ACSF2: variants seen among roughly 807,000 people sequenced by gnomAD.
ACSF2 encodes the protein medium-chain acyl-CoA ligase ACSF2, mitochondrial.
Under a neutral mutation model 79.3 loss-of-function variants are expected in ACSF2, and 52 were observed. That is an observed-to-expected ratio of 0.66 (90% CI 0.53 to 0.83). The LOEUF (loss-of-function observed/expected upper bound fraction) is 0.83, where lower values mean the gene tolerates loss of function less well. ACSF2 is among the 40% of genes least tolerant of loss of function. ACSF2 has a pLI of 0.00. For missense variants in ACSF2, 661 were observed against 803.3 expected, an observed-to-expected ratio of 0.82 and a Z score of 2.14; for synonymous variants, 283 against 312.6, an observed-to-expected ratio of 0.91 and a Z score of 1.00.
chr17:50,443,777 A>C (rs1272144791), intron 1 of ACSF2, among the ~76,000 whole-genome samples: 1 of 152,242 alleles, frequency 6.6e-6, no homozygotes, highest in East Asian at 1.9e-4. Context: ...AACATTCCAT[A>C]TAATCAATAA....
rs1259789443 is a variant in ACSF2 at position 50,463,972 on chromosome 17, C to T, written c.1138+63C>T. 2.4e-6 allele frequency: 3 copies of T among 1,270,864 alleles called. No individual in the cohort carries two copies. The highest frequency in any genetic ancestry group is 3.2e-6 in the Non-Finnish European group (3 of 951,550). The allele number at this position is 1,270,864 out of a possible 1,614,324, so 78.7% of individuals were successfully genotyped here. On this transcript the variant is annotated intron_variant, in intron 9 of 15. Transcript: ENST00000300441. The surrounding 1 kb of genome is among the most constrained non-coding windows in gnomAD (Gnocchi z 4.6). Reference sequence around the variant, plus strand: ...GGCTGCTTCCCCCACAGGAATGGCCCGGGTGAGTTAGCTATGCTCCCAGTC... The same window carrying T: ...GGCTGCTTCCCCCACAGGAATGGCCTGGGTGAGTTAGCTATGCTCCCAGTC...
chr17:50,474,102 G>C lies in ACSF2; in HGVS notation c.1729-97G>C. The stretch of plus-strand genomic sequence containing the variant: ...GGGTGGGGATTGCTCTGCCCTTGAC[G>C]AAGCTGACTCCTGGCCAGGCCAGCC... On this transcript the variant is annotated intron_variant, in intron 14 of 15. Transcript: ENST00000300441. The surrounding 1 kb of genome is among the most constrained non-coding windows in gnomAD (Gnocchi z 4.2). 1 of 1,587,478 alleles carries C rather than the reference G, an allele frequency of 6.3e-7. No homozygotes were observed. Among genetic ancestry groups the C allele is most frequent in the Non-Finnish European group, 8.6e-7 (1 of 1,159,398 alleles).
In ACSF2 at chr17:50,464,260, C is replaced by G; in HGVS notation, c.1181C>G (p.Ala394Gly). Residue 394 changes from alanine (A) to glycine (G), a missense_variant, in exon 10 of 16, where the codon GCC (alanine) becomes GGC (glycine). Transcript: ENST00000300441. ...GSPAPPELIR[A>G]IINKINMKDL... The stretch of plus-strand genomic sequence containing the variant: ...CCTGCACCTCCAGAGTTGATCCGAG[C>G]CATCATCAACAAGATAAATATGAAG... 6.2e-7 allele frequency: 1 copy of G among 1,614,134 alleles called. No individual in the cohort carries two copies. Among genetic ancestry groups the G allele is most frequent in the Non-Finnish European group, 8.5e-7 (1 of 1,180,038 alleles).
intron 1 of ACSF2, among the ~76,000 whole-genome samples, chr17:50,431,399 A>G (rs79512866): frequency 0.011 from 1,671 of 152,334 alleles, 16 homozygotes; most frequent in Non-Finnish European, 0.019. Context: ...AAAGATGTCA[A>G]TCAAAGCAGG....
At chr17:50,429,526 T>C (rs1342909459) in intron 1 of ACSF2, among the ~76,000 whole-genome samples, 1 of 151,832 alleles carries the variant, frequency 6.6e-6, no homozygotes, top group Admixed American at 6.6e-5. Context: ...TTTTTCTTTT[T>C]TTTTTATTTG....
intron 1 of ACSF2, among the ~76,000 whole-genome samples, chr17:50,452,680 A>G (rs1022933399): frequency 1.3e-5 from 2 of 152,164 alleles, no homozygotes; most frequent in African/African-American, 4.8e-5. Context: ...CTTAAAATAA[A>G]GTTAAAAAAA....
At chr17:50,449,010 CTTTTTTTTT>C (rs1157696530) in intron 1 of ACSF2, among the ~76,000 whole-genome samples, 1 of 101,242 alleles carries the variant, frequency 9.9e-6, no homozygotes, top group East Asian at 2.8e-4. Context: ...AATATGTAGT[CTTTTTTTTT>C]TTTTTTTTTT....
Position 50,463,779 on chromosome 17 carries a change from C to A in ACSF2, c.1047-39C>A. ...GTGGGTGAGAACAGGGAGTTCCCTT[C>A]CACTTCCAAGCCTAATTTCGAGACC... is the stretch of plus-strand genomic sequence containing the variant. On this transcript the variant is annotated intron_variant, in intron 8 of 15. Transcript: ENST00000300441. The surrounding 1 kb of genome is among the most constrained non-coding windows in gnomAD (Gnocchi z 4.6). The A allele has an allele frequency of 6.3e-7, 1 of 1,593,680 alleles. No homozygotes were observed. Among genetic ancestry groups the A allele is most frequent in the Non-Finnish European group, 8.6e-7 (1 of 1,162,602 alleles).
intron 12 of ACSF2, 160 bp from the exon 13 acceptor site, chr17:50,473,505 G>A: frequency 1.0e-6 from 1 of 956,246 alleles, no homozygotes; most frequent in South Asian, 1.7e-5. Flanking sequence ...CCCCTTACTG[G>A]ACTATTAATT....
chr17:50,454,629 ACTATCT>A (rs964076982), intron 1 of ACSF2, among the ~76,000 whole-genome samples: 1 of 152,288 alleles, frequency 6.6e-6, no homozygotes, highest in Admixed American at 6.5e-5. Context: ...AGTTGCACAC[ACTATCT>A]CTCTTTAAAC....
In ACSF2 at chr17:50,461,236, C is replaced by T. The variant is rs2032307554; in HGVS notation, c.325-6C>T. The T allele has an allele frequency of 6.2e-7, 1 of 1,614,206 alleles. No individual in the cohort carries two copies. Among genetic ancestry groups the T allele is most frequent in the African/African-American group, 1.3e-5 (1 of 75,066 alleles). ...TTCACCCCTTGCGCCCCATCTTTTA[C>T]ACTAGGTGGACAAAGCTGCTTCTGG... is the stretch of plus-strand genomic sequence containing the variant. On this transcript the variant is annotated splice_region_variant and splice_polypyrimidine_tract_variant and intron_variant, in intron 2 of 15. Coordinates refer to ENST00000300441, the MANE Select transcript of ACSF2 (RefSeq NM_025149.6).
chr17:50,453,497 C>T lies in ACSF2; in HGVS notation c.129-7180C>T, dbSNP rs183679865. ...TGTTGGGGTTACAGGCGTGAGCCAC[C>T]GCGCTCGGCCTCACCTGCATTTTTC... is the stretch of plus-strand genomic sequence containing the variant. On this transcript the variant is annotated intron_variant, in intron 1 of 15. Coordinates refer to ENST00000300441, the MANE Select transcript of ACSF2 (RefSeq NM_025149.6). Among the ~76,000 whole-genome samples, 317 of 152,110 alleles carry T rather than the reference C, an allele frequency of 2.1e-3. 3 individuals are homozygous for T. Among genetic ancestry groups the T allele is most frequent in the African/African-American group, 7.1e-3 (296 of 41,506 alleles).
chr17:50,465,772 G>C lies in ACSF2; in HGVS notation c.1215+1478G>C. 8 of 1,613,898 alleles carry C rather than the reference G, an allele frequency of 5.0e-6. No individual in the cohort carries two copies. The highest frequency in any genetic ancestry group is 6.8e-6 in the Non-Finnish European group (8 of 1,179,998). On this transcript the variant is annotated intron_variant, in intron 10 of 15. Coordinates refer to ENST00000300441, the MANE Select transcript of ACSF2 (RefSeq NM_025149.6). ...TATTGGTAAGGGCGAGGGTCTCCAG[G>C]CTGTCGAAGGGGAAGTTGGAGGGTA...
At chr17:50,464,549 A>G in intron 10 of ACSF2, 1 of 628,188 alleles carries the variant, frequency 1.6e-6, no homozygotes, top group Non-Finnish European at 3.0e-6. Context: ...AAATTGCAGC[A>G]TGGGAAGATG....
rs2143819676 is a variant in ACSF2, at chr17:50,474,320, A to G, written c.1797+53A>G. 9 of 1,576,578 alleles carry G rather than the reference A, an allele frequency of 5.7e-6. No homozygotes were observed. The highest frequency in any genetic ancestry group is 7.0e-6 in the Non-Finnish European group (8 of 1,147,090). ...GGCAGCCTGGGCTCTGGGGCCCCAT[A>G]GGGCCCCACCTCTGTTTCCTTCAGC... On this transcript the variant is annotated intron_variant, in intron 15 of 15. Transcript: ENST00000300441. This position sits in a 1 kb window ranked among gnomAD's most constrained non-coding sequence, Gnocchi z 4.2.
rs377272052 is a variant in ACSF2 at position 50,435,145 on chromosome 17, C to T, written c.128+8756C>T. Among the ~76,000 whole-genome samples the T allele has an allele frequency of 2.1e-4, 32 of 152,212 alleles. 3 individuals are homozygous for T. Among genetic ancestry groups the T allele is most frequent in the East Asian group, 1.9e-3 (10 of 5,180 alleles). On this transcript the variant is annotated intron_variant, in intron 1 of 15. Transcript: ENST00000300441. Reference sequence around the variant, plus strand: ...TCGGCCTCCCAAAGTGCTGGGATTACAGGCGTGAGCCACCGTGCCTGGCCT... The same window carrying T: ...TCGGCCTCCCAAAGTGCTGGGATTATAGGCGTGAGCCACCGTGCCTGGCCT...
At chr17:50,429,974 G>A (rs988626652) in intron 1 of ACSF2, among the ~76,000 whole-genome samples, 2 of 152,234 alleles carry the variant, frequency 1.3e-5, no homozygotes, top group African/African-American at 4.8e-5. Context: ...GGAATTCAAG[G>A]AGAAACCTGG....
intron 1 of ACSF2, among the ~76,000 whole-genome samples, chr17:50,438,648 C>T (rs542059283): frequency 6.6e-6 from 1 of 152,182 alleles, no homozygotes; most frequent in East Asian, 1.9e-4. Flanking sequence ...CTCACTGCAA[C>T]CTCCACCTCC....
intron 10 of ACSF2, chr17:50,469,114 C>A (rs370131823): frequency 9.1e-7 from 1 of 1,097,182 alleles, no homozygotes; most frequent in Non-Finnish European, 1.1e-6. Flanking sequence ...TGTAGCCCCC[C>A]GCTCTCCTAT....
Sources: gnomAD v4.1 joint callset for allele counts (sites outside exome capture counted in the v4.1 genomes callset) on GRCh38, gnomAD v4.1.1 for gene constraint, Gnocchi (gnomAD v3.1) non-coding constraint, MANE v1.5 for transcripts, NCBI Gene and HGNC (gene_info 2026-07-23, HGNC 2026-07-21) for gene names.